Variants in PACRG observed in about 807,000 individuals in gnomAD.
PACRG encodes the protein parkin coregulated.
In PACRG, 29 loss-of-function variants were observed where a neutral mutation model predicts 29.7. That is an observed-to-expected ratio of 0.98 (90% CI 0.73 to 1.33). The LOEUF (loss-of-function observed/expected upper bound fraction) is 1.33. PACRG is among the 40% of genes most tolerant of loss of function. PACRG has a pLI of 0.00. For missense variants in PACRG, 279 were observed against 316.2 expected (o/e 0.88, Z 0.89); for synonymous variants, 116 against 118.7 (o/e 0.98, Z 0.15).
In PACRG at chr6:163,053,514, A is replaced by G. The variant is rs142622792; in HGVS notation, c.292-8636A>G. Among the ~76,000 whole-genome samples the G allele has an allele frequency of 3.9e-4, 59 of 152,314 alleles. No homozygotes were observed. The Middle Eastern group carries it at 0.02, about 53-fold the overall frequency. ...TTTAAATGTACAACTATTAGATATC[A>G]ATTTTAAAACTACCAAAAAACTCAG... On this transcript the variant is annotated intron_variant, in intron 2 of 4. Coordinates refer to ENST00000366888, the MANE Select transcript of PACRG (RefSeq NM_001080379.2).
intron 4 of PACRG, among the ~76,000 whole-genome samples, chr6:163,232,709 C>T (rs1050243335): frequency 6.6e-6 from 1 of 152,128 alleles, no homozygotes; most frequent in Non-Finnish European, 1.5e-5. Flanking sequence ...TCAGGAACAG[C>T]AGGCAATAGG....
At chr6:163,121,987 T>C (rs2128325121) in intron 4 of PACRG, among the ~76,000 whole-genome samples, 1 of 152,226 alleles carries the variant, frequency 6.6e-6, no homozygotes, top group East Asian at 1.9e-4. Context: ...TTTCTCTTTT[T>C]TCTTTTCACT....
At chr6:162,768,694 A>G (rs1782984978) in intron 1 of PACRG, among the ~76,000 whole-genome samples, 1 of 152,004 alleles carries the variant, frequency 6.6e-6, no homozygotes, top group Non-Finnish European at 1.5e-5. Flanking sequence ...CAAAGTTTTT[A>G]TGGACTTTTT....
rs187824580 is a variant in PACRG at position 162,731,033 on chromosome 6, A to G, written c.156+2642A>G. Among the ~76,000 whole-genome samples, 277 of 152,296 alleles carry G rather than the reference A, an allele frequency of 1.8e-3. 2 individuals carry two copies. Among genetic ancestry groups the G allele is most frequent in the Non-Finnish European group, 1.3e-3 (90 of 68,004 alleles). ...CGACCCAGGGTTATGGTGACAGAGAAGTTGAGTTCAGCCTAAGCTTTCTAT... is the reference window on the plus strand; with the variant it reads ...CGACCCAGGGTTATGGTGACAGAGAGGTTGAGTTCAGCCTAAGCTTTCTAT... On this transcript the variant is annotated intron_variant, in intron 1 of 4. Coordinates refer to ENST00000366888, the MANE Select transcript of PACRG (RefSeq NM_001080379.2).
intron 4 of PACRG, among the ~76,000 whole-genome samples, chr6:163,093,977 A>G (rs983654775): frequency 6.6e-6 from 1 of 152,180 alleles, no homozygotes; most frequent in Non-Finnish European, 1.5e-5. Flanking sequence ...AGAAGTAATT[A>G]TTTTATGTTG....
At chr6:163,283,694 G>A (rs374972084) in intron 4 of PACRG, among the ~76,000 whole-genome samples, 1 of 151,782 alleles carries the variant, frequency 6.6e-6, no homozygotes, top group Non-Finnish European at 1.5e-5. Flanking sequence ...CCAGCTACTC[G>A]GGAGGCTGAG....
chr6:163,061,360 A>T (rs117205373), intron 2 of PACRG, among the ~76,000 whole-genome samples: 1 of 152,098 alleles, frequency 6.6e-6, no homozygotes, highest in East Asian at 1.9e-4. Flanking sequence ...CCAACTCACA[A>T]TCTCTTTTCT....
At chr6:162,824,074 A>G (rs1788073151) in intron 2 of PACRG, among the ~76,000 whole-genome samples, 8 of 152,116 alleles carry the variant, frequency 5.3e-5, no homozygotes, top group East Asian at 3.9e-4. Flanking sequence ...GCCTTTACCT[A>G]TAGCATTTTG....
At chr6:163,222,618 A>G (rs1781635536) in intron 4 of PACRG, among the ~76,000 whole-genome samples, 1 of 152,152 alleles carries the variant, frequency 6.6e-6, no homozygotes. Flanking sequence ...ATTGCACGGA[A>G]AACACTTTTA....
intron 1 of PACRG, among the ~76,000 whole-genome samples, chr6:162,793,251 A>G (rs963176441): frequency 2.6e-5 from 4 of 152,190 alleles, no homozygotes; most frequent in African/African-American, 9.7e-5. Flanking sequence ...GAACATTCTC[A>G]TAAACATAAG....
At chr6:163,125,701 T>C (rs1181733023) in intron 4 of PACRG, among the ~76,000 whole-genome samples, 1 of 152,228 alleles carries the variant, frequency 6.6e-6, no homozygotes, top group Non-Finnish European at 1.5e-5. Context: ...GAAATGGACA[T>C]TCTTGTTAAC....
At chr6:162,753,651 G>A (rs943353796) in intron 1 of PACRG, among the ~76,000 whole-genome samples, 2 of 150,260 alleles carry the variant, frequency 1.3e-5, no homozygotes, top group East Asian at 1.9e-4. Flanking sequence ...GAGATAATTC[G>A]ATCATTCCCC....
chr6:163,164,857 T>C (rs1025879673), intron 4 of PACRG, among the ~76,000 whole-genome samples: 2 of 152,234 alleles, frequency 1.3e-5, no homozygotes, highest in Non-Finnish European at 2.9e-5. Flanking sequence ...TTCAGGATTC[T>C]GACTTTATTT....
At chr6:163,218,088 G>A (rs1368036266) in intron 4 of PACRG, among the ~76,000 whole-genome samples, 1 of 152,084 alleles carries the variant, frequency 6.6e-6, no homozygotes, top group African/African-American at 2.4e-5. Flanking sequence ...GCACTCTTAG[G>A]GGTGTTGTAT....
At chr6:163,158,950 C>A (rs914254935) in intron 4 of PACRG, among the ~76,000 whole-genome samples, 7 of 152,146 alleles carry the variant, frequency 4.6e-5, no homozygotes, top group African/African-American at 1.7e-4. Flanking sequence ...AAACCACATC[C>A]AGATCCTCCC....
chr6:163,221,627 A>C (rs56195146), intron 4 of PACRG, among the ~76,000 whole-genome samples: 6,031 of 152,364 alleles, frequency 0.04, 418 homozygotes, highest in African/African-American at 0.14. Flanking sequence ...CCACAACTTT[A>C]AATAAACAAG....
chr6:163,251,212 C>T (rs185762793), intron 4 of PACRG, among the ~76,000 whole-genome samples: 27 of 151,766 alleles, frequency 1.8e-4, no homozygotes, highest in African/African-American at 3.9e-4. Context: ...CACTAAAGAA[C>T]GTACTCATGT....
chr6:162,729,188 A>G (rs1356877221), intron 1 of PACRG, among the ~76,000 whole-genome samples: 1 of 152,204 alleles, frequency 6.6e-6, no homozygotes, highest in Non-Finnish European at 1.5e-5. Context: ...TACACTTGGT[A>G]TGCTAAGACA....
At chr6:162,767,955 G>T (rs1413412983) in intron 1 of PACRG, among the ~76,000 whole-genome samples, 1 of 151,932 alleles carries the variant, frequency 6.6e-6, no homozygotes, top group Non-Finnish European at 1.5e-5. Context: ...GAATTAATCT[G>T]TGTTTTTCAC....
Sources: gnomAD v4.1 joint callset for allele counts (sites outside exome capture counted in the v4.1 genomes callset) on GRCh38, gnomAD v4.1.1 for gene constraint, MANE v1.5 for transcripts, NCBI Gene and HGNC (gene_info 2026-07-23, HGNC 2026-07-21) for gene names.